EPHX4: variants seen among roughly 807,000 people sequenced by gnomAD.
EPHX4 encodes the protein epoxide hydrolase 4.
Under a neutral mutation model 44.9 loss-of-function variants are expected in EPHX4, and 31 were observed. The observed-to-expected ratio is 0.69, with a 90% CI of 0.52 to 0.93. The LOEUF (loss-of-function observed/expected upper bound fraction) is 0.93, where lower values mean the gene tolerates loss of function less well. Among genes scored for constraint, EPHX4 ranks in the 40% least tolerant of loss-of-function variants. The probability of loss-of-function intolerance (pLI) is 0.00; values close to 1 mark genes in which losing one functional copy is unlikely to be tolerated. For missense variants in EPHX4, 373 were observed against 438.1 expected, an observed-to-expected ratio of 0.85 and a Z score of 1.33; for synonymous variants, 151 against 159.7, an observed-to-expected ratio of 0.95 and a Z score of 0.41.
At chr1:92,030,483 T>TGTGTGTGTGTGTGTGTGTGTGA (rs745435867) in intron 1 of EPHX4, among the ~76,000 whole-genome samples, 173 bp downstream of exon 1, 5,132 of 137,992 alleles carry the variant, frequency 0.037, 284 homozygotes, top group Middle Eastern at 0.045. Context: ...TGTGTGTGTG[T>TGTGTGTGTGTGTGTGTGTGTGA]GTGAGAGAGA....
chr1:92,034,470 T>C (rs1373702711), intron 2 of EPHX4, among the ~76,000 whole-genome samples: 1 of 152,084 alleles, frequency 6.6e-6, no homozygotes, highest in Non-Finnish European at 1.5e-5. Context: ...CTGGTATATT[T>C]TGAAAGGTCT....
chr1:92,043,941 A>G (rs1343012714), intron 3 of EPHX4: 1 of 152,284 alleles, frequency 6.6e-6, no homozygotes, highest in Non-Finnish European at 1.5e-5. Context: ...GTCAAGCTAC[A>G]TAGCCACCAC....
At chr1:92,044,886 G>C (rs1688561778) in intron 3 of EPHX4, among the ~76,000 whole-genome samples, 1 of 151,980 alleles carries the variant, frequency 6.6e-6, no homozygotes, top group African/African-American at 2.4e-5. Context: ...TCCAAACTCA[G>C]GTCCATGGGA....
intron 1 of EPHX4, among the ~76,000 whole-genome samples, chr1:92,031,228 A>G (rs987386673): frequency 6.6e-6 from 1 of 152,206 alleles, no homozygotes; most frequent in African/African-American, 2.4e-5. Context: ...AACTTAGAAC[A>G]ATGCCTGATG....
At chr1:92,062,068 C>G (rs968732645) in intron 6 of EPHX4, among the ~76,000 whole-genome samples, 1 of 151,908 alleles carries the variant, frequency 6.6e-6, no homozygotes, top group African/African-American at 2.4e-5. Context: ...CATATATATA[C>G]ACAACAAAAA....
chr1:92,034,641 G>C (rs10875140), intron 2 of EPHX4, among the ~76,000 whole-genome samples: 1 of 150,214 alleles, frequency 6.7e-6, no homozygotes, highest in Non-Finnish European at 1.5e-5. Context: ...ACCTTAAGAC[G>C]CTTCTTTTTT....
intron 6 of EPHX4, 30 bp from the exon 7 acceptor site, chr1:92,063,025 A>C: frequency 1.3e-6 from 2 of 1,570,204 alleles, no homozygotes; most frequent in Non-Finnish European, 1.7e-6. Context: ...TTGACAGTGA[A>C]TCTCAAGCCC....
chr1:92,057,754 C>T (rs900843586), intron 6 of EPHX4, among the ~76,000 whole-genome samples: 5 of 152,002 alleles, frequency 3.3e-5, no homozygotes, highest in Admixed American at 2.0e-4. Context: ...TGTGTACCAC[C>T]GTGTCCGGCT....
chr1:92,031,985 G>T (rs1395210941), intron 1 of EPHX4, among the ~76,000 whole-genome samples: 1 of 152,148 alleles, frequency 6.6e-6, no homozygotes, highest in Non-Finnish European at 1.5e-5. Context: ...AGAGAAGGAG[G>T]TGTGAATTAT....
intron 2 of EPHX4, among the ~76,000 whole-genome samples, chr1:92,039,811 G>A (rs983277603): frequency 1.3e-5 from 2 of 151,850 alleles, no homozygotes; most frequent in African/African-American, 4.8e-5. Context: ...CCGCCACCAC[G>A]CCTGGCTAAT....
chr1:92,062,227 A>G (rs770951343), intron 6 of EPHX4, among the ~76,000 whole-genome samples: 7 of 152,162 alleles, frequency 4.6e-5, no homozygotes, highest in Non-Finnish European at 1.0e-4. Context: ...GCTAAACAGT[A>G]ACATATAAAT....
rs66834073 is a variant in EPHX4, at chr1:92,042,724, CAAAAAAAAA to C, written c.318-88_318-80del. On this transcript the variant is annotated intron_variant, in intron 2 of 6. Transcript: ENST00000370383. ...TGGGTGACAGAGCAAAACTCTGTCT[CAAAAAAAAA>C]AAAAAAAAAAGAAAGGAAAAAGAAA... The C allele has an allele frequency of 3.6e-4, 249 of 690,822 alleles. 2 individuals carry two copies. In the African/African-American group the frequency reaches 6.4e-3, roughly 18 times the overall value. The allele number at this position is 690,822 out of a possible 1,614,324, so 42.8% of individuals were successfully genotyped here.
At chr1:92,062,987 G>A in intron 6 of EPHX4, 68 bp from the exon 7 acceptor site, 4 of 1,340,654 alleles carry the variant, frequency 3.0e-6, no homozygotes, top group Non-Finnish European at 4.2e-6. Context: ...GACCTACTGG[G>A]GCACTATAGG....
intron 3 of EPHX4, among the ~76,000 whole-genome samples, chr1:92,044,020 G>C (rs1688549656): frequency 6.6e-6 from 1 of 152,162 alleles, no homozygotes. Context: ...TGTGACAGCA[G>C]GGAGAAGGGG....
chr1:92,063,272 A>G lies in EPHX4; in HGVS notation c.1075A>G (p.Arg359Gly). The change falls in exon 7 of 7, where the codon AGA becomes GGA. Residue 359 changes from arginine (R) to glycine (G), a missense_variant. Coordinates refer to ENST00000370383, the MANE Select transcript of EPHX4 (RefSeq NM_173567.5). ...LIWTFLKEET[R>G]KKD ...ATGGACATTTCTAAAAGAAGAAACAAGAAAAAAAGATTGACTTTTCTTTAT... is the reference window on the plus strand; with the variant it reads ...ATGGACATTTCTAAAAGAAGAAACAGGAAAAAAAGATTGACTTTTCTTTAT... 11 of 1,589,022 alleles carry G rather than the reference A, an allele frequency of 6.9e-6. No individual in the cohort carries two copies. Among genetic ancestry groups the G allele is most frequent in the Non-Finnish European group, 9.5e-6 (11 of 1,163,544 alleles).
At chr1:92,045,701 C>T (rs367679135) in intron 4 of EPHX4, 41 bp downstream of exon 4, 144 of 1,609,758 alleles carry the variant, frequency 8.9e-5, no homozygotes, top group Non-Finnish European at 1.2e-4. Flanking sequence ...GCTAATGTGA[C>T]AATTCACTCT....
chr1:92,063,326 CTAAA>C lies in EPHX4; in HGVS notation c.*44_*47del, dbSNP rs966521187. 8 of 1,382,782 alleles carry C rather than the reference CTAAA, an allele frequency of 5.8e-6. No individual in the cohort carries two copies. The African/African-American group carries it at 8.7e-5, about 15-fold the overall frequency. The allele number at this position is 1,382,782 out of a possible 1,614,324, so 85.7% of individuals were successfully genotyped here. On this transcript the variant is annotated 3_prime_UTR_variant, in exon 7 of 7. Transcript: ENST00000370383. ...CTATGAAGGGTCTGTAATGAAATCT[CTAAA>C]TAATTTTTAAAAATTGTTCATCAAC...
chr1:92,045,479 G>C (rs1688570406), intron 3 of EPHX4, 53 bp from the exon 4 acceptor site: 2 of 1,604,846 alleles, frequency 1.2e-6, no homozygotes, highest in Non-Finnish European at 1.7e-6. Flanking sequence ...TGAGGTAACA[G>C]TGCACCCACC....
intron 6 of EPHX4, among the ~76,000 whole-genome samples, chr1:92,058,627 G>C (rs922447243): frequency 6.6e-6 from 1 of 152,060 alleles, no homozygotes; most frequent in African/African-American, 2.4e-5. Flanking sequence ...GCCTGCATCT[G>C]CTGAAGGGGT....
Sources: gnomAD v4.1 joint callset for allele counts (sites outside exome capture counted in the v4.1 genomes callset) on GRCh38, gnomAD v4.1.1 for gene constraint, MANE v1.5 for transcripts, NCBI Gene and HGNC (gene_info 2026-07-23, HGNC 2026-07-21) for gene names.